The following METTL15 variants were observed in gnomAD, a reference collection of about 807,000 sequenced individuals.
METTL15 encodes methyltransferase 15, mitochondrial 12S rRNA N4-cytidine.
A neutral mutation model predicts 38.3 loss-of-function variants in METTL15; 34 were observed. The observed-to-expected ratio is 0.89, with a 90% confidence interval of 0.68 to 1.18. The LOEUF (loss-of-function observed/expected upper bound fraction) is 1.18, where lower values mean the gene tolerates loss of function less well. Among genes scored for constraint, METTL15 ranks in the 50% most tolerant of loss-of-function variants. METTL15 has a pLI of 0.00. For missense variants in METTL15, 438 were observed against 498.4 expected, an observed-to-expected ratio of 0.88 and a Z score of 1.15; for synonymous variants, 162 against 170.9, an observed-to-expected ratio of 0.95 and a Z score of 0.41.
intron 3 of METTL15, among the ~76,000 whole-genome samples, chr11:28,344,073 C>T (rs754543319): frequency 6.6e-6 from 1 of 152,156 alleles, no homozygotes; most frequent in Non-Finnish European, 1.5e-5. Context: ...CACCAGGTGG[C>T]CTTTTCTTGT....
intron 6 of METTL15, among the ~76,000 whole-genome samples, chr11:28,449,848 C>G (rs1189068527): frequency 1.3e-5 from 2 of 152,174 alleles, no homozygotes; most frequent in African/African-American, 2.4e-5. Flanking sequence ...CGAGATCAGC[C>G]TTCCAGCTGT....
chr11:28,521,968 A>G (rs922687700), intron 6 of METTL15, among the ~76,000 whole-genome samples: 3 of 152,162 alleles, frequency 2.0e-5, no homozygotes, highest in Non-Finnish European at 2.9e-5. Context: ...ACTTGCCTTA[A>G]TGTTTCCAAT....
intron 3 of METTL15, among the ~76,000 whole-genome samples, chr11:28,152,277 A>G (rs969115860): frequency 2.6e-5 from 4 of 151,868 alleles, no homozygotes; most frequent in African/African-American, 7.3e-5. Context: ...TGCTAACCTC[A>G]TAAGCACTAG....
intron 3 of METTL15, among the ~76,000 whole-genome samples, chr11:28,160,273 T>C (rs1227542051): frequency 6.6e-6 from 1 of 152,068 alleles, no homozygotes; most frequent in Non-Finnish European, 1.5e-5. Context: ...GGAATATATA[T>C]ATTCCATTAT....
chr11:28,284,506 T>A (rs569424292), intron 4 of METTL15, among the ~76,000 whole-genome samples: 46 of 152,130 alleles, frequency 3.0e-4, no homozygotes, highest in Non-Finnish European at 6.2e-4. Flanking sequence ...TTGAAGATAA[T>A]CCCTGAATCC....
chr11:28,416,229 G>A (rs1850771132), intron 5 of METTL15, among the ~76,000 whole-genome samples: 2 of 152,178 alleles, frequency 1.3e-5, no homozygotes, highest in South Asian at 4.1e-4. Flanking sequence ...GCCTGTGTGT[G>A]CAGACTATAG....
At chr11:28,337,914 A>C (rs1326597705), downstream of METTL15, among the ~76,000 whole-genome samples, 4 of 152,110 alleles carry the variant, frequency 2.6e-5, no homozygotes, top group Admixed American at 2.6e-4. Flanking sequence ...TGTACTTACA[A>C]TTAGAGCTGA....
At chr11:28,250,119 T>C (rs1854677535) in intron 4 of METTL15, among the ~76,000 whole-genome samples, 1 of 152,090 alleles carries the variant, frequency 6.6e-6, no homozygotes, top group South Asian at 2.1e-4. Flanking sequence ...TTATTCAGTG[T>C]ACTATTGATG....
chr11:28,313,944 A>T (rs1352797956), intron 6 of METTL15, among the ~76,000 whole-genome samples: 1 of 152,196 alleles, frequency 6.6e-6, no homozygotes, highest in Non-Finnish European at 1.5e-5. Flanking sequence ...CAAAATGTAT[A>T]CATGTCCTTC....
chr11:28,380,982 C>T (rs1212557255), intron 5 of METTL15, among the ~76,000 whole-genome samples: 1 of 151,802 alleles, frequency 6.6e-6, no homozygotes, highest in Non-Finnish European at 1.5e-5. Context: ...TCTTAGTGTC[C>T]CTTTTGTCTT....
intron 3 of METTL15, among the ~76,000 whole-genome samples, chr11:28,146,314 A>G (rs1013100123): frequency 6.6e-6 from 1 of 151,980 alleles, no homozygotes; most frequent in Non-Finnish European, 1.5e-5. Context: ...GTTTTGGTAG[A>G]TGAGTCAGTG....
chr11:28,256,425 A>G (rs1357716745), intron 4 of METTL15, among the ~76,000 whole-genome samples: 3 of 152,038 alleles, frequency 2.0e-5, no homozygotes, highest in Non-Finnish European at 4.4e-5. Flanking sequence ...TCCTGGTTCA[A>G]TCTTGGTAGG....
At chr11:28,357,006 C>T (rs991659717) in intron 4 of METTL15, among the ~76,000 whole-genome samples, 1 of 152,156 alleles carries the variant, frequency 6.6e-6, no homozygotes, top group Non-Finnish European at 1.5e-5. Context: ...GGGCCTGACT[C>T]CGTAGGCATA....
At chr11:28,233,966 C>A (rs546042766) in intron 4 of METTL15, among the ~76,000 whole-genome samples, 1 of 149,142 alleles carries the variant, frequency 6.7e-6, no homozygotes, top group South Asian at 2.2e-4. Context: ...CCCCCTACCC[C>A]ACAACAGTCC....
rs920113353 is a variant in METTL15 at position 28,110,312 on chromosome 11, C to T, written c.-107C>T. 6.6e-6 allele frequency: 1 copy of T among 152,216 alleles called. No homozygotes were observed. Among genetic ancestry groups the T allele is most frequent in the African/African-American group, 2.4e-5 (1 of 41,432 alleles). The allele number at this position is 152,216 out of a possible 1,614,324, so 9.4% of individuals were successfully genotyped here. Reference sequence around the variant, plus strand: ...TACAAGTTTCCCCCAGGGGCAGGACCTAGACGCGCGGCGCATTCAGGTTCT... The same window carrying T: ...TACAAGTTTCCCCCAGGGGCAGGACTTAGACGCGCGGCGCATTCAGGTTCT... On this transcript the variant is annotated 5_prime_UTR_variant, in exon 2 of 7. Transcript: ENST00000407364.
At chr11:28,140,899 TC>T (rs1406569902) in intron 3 of METTL15, among the ~76,000 whole-genome samples, 1 of 152,178 alleles carries the variant, frequency 6.6e-6, no homozygotes, top group Non-Finnish European at 1.5e-5. Flanking sequence ...CTGTTCAAGT[TC>T]CCTTATCTGG....
intron 6 of METTL15, among the ~76,000 whole-genome samples, chr11:28,489,306 T>G (rs1331022044): frequency 3.3e-5 from 5 of 152,208 alleles, no homozygotes; most frequent in Non-Finnish European, 7.4e-5. Context: ...CAAGAGATTC[T>G]TTATTCAACA....
chr11:28,410,918 A>G (rs1468986977), intron 5 of METTL15: 1 of 152,104 alleles, frequency 6.6e-6, no homozygotes, highest in Non-Finnish European at 1.5e-5. Context: ...TGATTTTAGT[A>G]AAGTTACAGG....
At chr11:28,252,413 A>G (rs1854782985) in intron 4 of METTL15, among the ~76,000 whole-genome samples, 2 of 152,164 alleles carry the variant, frequency 1.3e-5, no homozygotes, top group South Asian at 4.2e-4. Context: ...CCCTTACCTT[A>G]TTTTTATTTC....
Sources: allele counts gnomAD v4.1 joint callset (sites outside exome capture counted in the v4.1 genomes callset), GRCh38; gene constraint gnomAD v4.1.1; transcripts MANE v1.5; gene names NCBI Gene and HGNC (gene_info 2026-07-23, HGNC 2026-07-21).